The following KRTAP15-1 variants were observed in gnomAD, a reference collection of about 807,000 sequenced individuals.
The protein encoded by KRTAP15-1 is keratin-associated protein 15-1.
For synonymous variants in KRTAP15-1, 65 were observed against 59.6 expected (o/e 1.09, Z -0.42); for missense variants, 181 against 156.8 (o/e 1.15, Z -0.83).
In KRTAP15-1 at chr21:30,440,827, A is replaced by G. The variant is rs1387425579; in HGVS notation, c.*86A>G. 7.1e-6 allele frequency: 9 copies of G among 1,275,000 alleles called. No individual in the cohort carries two copies. The Admixed American group carries it at 1.5e-4, about 21-fold the overall frequency. 79.0% of individuals were successfully genotyped at this position (1,275,000 alleles called of 1,614,324 possible). On this transcript the variant is annotated 3_prime_UTR_variant, in exon 1 of 1. Coordinates refer to ENST00000334067, the MANE Select transcript of KRTAP15-1 (RefSeq NM_181623.3). ...TTATTTCTGTACTCTATGGAACTGCAACACTCAGCCTGTCCAATATCTGTG... is the reference window on the plus strand; with the variant it reads ...TTATTTCTGTACTCTATGGAACTGCGACACTCAGCCTGTCCAATATCTGTG...
exon 1 of KRTAP15-1, chr21:30,440,861 C>CCATCTACATCAGTAGGACTCAG: frequency 1.1e-6 from 1 of 947,648 alleles, no homozygotes; most frequent in Non-Finnish European, 1.6e-6. Context: ...TGATTGTTGA[C>CCATCTACATCAGTAGGACTCAG]CATCTACATC....
chr21:30,440,616 T>G lies in KRTAP15-1; in HGVS notation c.289T>G (p.Cys97Gly), dbSNP rs749220871. The G allele has an allele frequency of 6.2e-7, 1 of 1,614,210 alleles. No homozygotes were observed. Among genetic ancestry groups the G allele is most frequent in the Non-Finnish European group, 8.5e-7 (1 of 1,180,038 alleles). Residue 97 changes from cysteine (C) to glycine (G), a missense_variant, in exon 1 of 1, where the codon TGT becomes GGT. Transcript: ENST00000334067. Reference sequence around the variant, plus strand: ...GACTAACTACATAAGATCCCTTGGATGTGGAAACACTGGCCTTGGATCTCT... The same window carrying G: ...GACTAACTACATAAGATCCCTTGGAGGTGGAAACACTGGCCTTGGATCTCT... ...RQTNYIRSLG[C>G]GNTGLGSLGC...
Position 30,440,617 on chromosome 21 carries a change from G to C in KRTAP15-1, c.290G>C (p.Cys97Ser). ...ACTAACTACATAAGATCCCTTGGATGTGGAAACACTGGCCTTGGATCTCTT... is the reference window on the plus strand; with the variant it reads ...ACTAACTACATAAGATCCCTTGGATCTGGAAACACTGGCCTTGGATCTCTT... Reference protein sequence around the residue: ...RQTNYIRSLGCGNTGLGSLGC... With the variant: ...RQTNYIRSLGSGNTGLGSLGC... Residue 97 changes from cysteine to serine, a missense_variant, in exon 1 of 1, where the codon TGT becomes TCT. Physicochemically the swap from Cys to Ser is moderately radical, Grantham distance 112 (BLOSUM62 -1). Transcript: ENST00000334067. 1 of 1,614,202 alleles carries C rather than the reference G, an allele frequency of 6.2e-7. No homozygotes were observed. The highest frequency in any genetic ancestry group is 2.2e-5 in the East Asian group (1 of 44,886).
rs1055566414 is a variant in KRTAP15-1, at chr21:30,440,680, G to A, written c.353G>A (p.Gly118Glu). ...GSTGFQSLDC[G>E]SSFYHPTTFS... is the part of the protein sequence containing the mutation. ...ACTGGCTTCCAATCTCTGGACTGTG[G>A]GTCCAGCTTCTACCACCCAACTACC... The change falls in exon 1 of 1, where the codon GGG becomes GAG. Residue 118 changes from glycine (G) to glutamate (E), a missense_variant. Gly to Glu is a moderately conservative substitution (Grantham distance 98). Transcript: ENST00000334067. 3.7e-6 allele frequency: 6 copies of A among 1,613,942 alleles called. No individual in the cohort carries two copies. Among genetic ancestry groups the A allele is most frequent in the Non-Finnish European group, 4.2e-6 (5 of 1,179,930 alleles).
Position 30,440,378 on chromosome 21 carries a change from T to C in KRTAP15-1, c.51T>C (p.Ser17=). 1 of 1,613,600 alleles carries C rather than the reference T, an allele frequency of 6.2e-7. No individual in the cohort carries two copies. The highest frequency in any genetic ancestry group is 8.5e-7 in the Non-Finnish European group (1 of 1,179,734). ...ACTTCTCCTCCTGCTGTTTTGGAAG[T>C]TACCTGAGGTATCCAGTTTCCACTT... ...SGNFSSCCFG[S]YLRYPVSTYN... The change falls in exon 1 of 1, where the codon AGT becomes AGC. Residue 17 remains serine (S), a synonymous_variant. Transcript: ENST00000334067.
chr21:30,440,842 C>A lies in KRTAP15-1; in HGVS notation c.*101C>A. ...ATGGAACTGCAACACTCAGCCTGTC[C>A]AATATCTGTGATTGTTGACCATCTA... On this transcript the variant is annotated 3_prime_UTR_variant, in exon 1 of 1. Transcript: ENST00000334067. The A allele has an allele frequency of 8.8e-7, 1 of 1,137,242 alleles. No individual in the cohort carries two copies. Among genetic ancestry groups the A allele is most frequent in the Non-Finnish European group, 1.3e-6 (1 of 786,720 alleles). The allele number at this position is 1,137,242 out of a possible 1,614,324, so 70.4% of individuals were successfully genotyped here. A position where few individuals can be genotyped will look rare whatever the true frequency, so the allele number is the denominator to read the frequency against.
chr21:30,440,553 T>C lies in KRTAP15-1; in HGVS notation c.226T>C (p.Tyr76His). 1 of 1,614,226 alleles carries C rather than the reference T, an allele frequency of 6.2e-7. No individual in the cohort carries two copies. Among genetic ancestry groups the C allele is most frequent in the African/African-American group, 1.3e-5 (1 of 75,056 alleles). The change falls in exon 1 of 1, where the codon TAC (tyrosine) becomes CAC (histidine). Residue 76 changes from tyrosine to histidine, a missense_variant. By Grantham distance (83) the Tyr-to-His change is moderately conservative. Transcript: ENST00000334067. ...GGCCAGATCCTATCAGACATCCTGT[T>C]ACTGCCCAAAGAATTCCATCTTCTG... ...TLARSYQTSCYCPKNSIFCSP... is the reference protein window; with the variant it reads ...TLARSYQTSCHCPKNSIFCSP...
Position 30,440,809 on chromosome 21 carries a change from T to C in KRTAP15-1, c.*68T>C. ...TTCTCCATTCTCTCATGATTATTTC[T>C]GTACTCTATGGAACTGCAACACTCA... On this transcript the variant is annotated 3_prime_UTR_variant, in exon 1 of 1. Transcript: ENST00000334067. 6.9e-7 allele frequency: 1 copy of C among 1,439,818 alleles called. No homozygotes were observed. The highest frequency in any genetic ancestry group is 9.5e-7 in the Non-Finnish European group (1 of 1,052,040). 89.2% of individuals were successfully genotyped at this position (1,439,818 alleles called of 1,614,324 possible).
chr21:30,440,755 C>T lies in KRTAP15-1; in HGVS notation c.*14C>T, dbSNP rs553582405. The T allele has an allele frequency of 2.5e-6, 4 of 1,597,936 alleles. No individual in the cohort carries two copies. The East Asian group carries it at 6.7e-5, about 27-fold the overall frequency. ...ACTTGTTACTAACCAGCCTTTGGGT[C>T]TCGCCTTTTTGGATCATCTTACTGA... On this transcript the variant is annotated 3_prime_UTR_variant, in exon 1 of 1. Transcript: ENST00000334067.
chr21:30,440,601 A>T lies in KRTAP15-1; in HGVS notation c.274A>T (p.Ile92Leu). 6.2e-7 allele frequency: 1 copy of T among 1,614,136 alleles called. No individual in the cohort carries two copies. The change falls in exon 1 of 1, where the codon ATA becomes TTA. Residue 92 changes from isoleucine (I) to leucine (L), a missense_variant. Physicochemically the swap from Ile to Leu is conservative, Grantham distance 5. Coordinates refer to ENST00000334067, the MANE Select transcript of KRTAP15-1 (RefSeq NM_181623.3). Reference sequence around the variant, plus strand: ...CTGCAGTCCCCGCCAGACTAACTACATAAGATCCCTTGGATGTGGAAACAC... The same window carrying T: ...CTGCAGTCCCCGCCAGACTAACTACTTAAGATCCCTTGGATGTGGAAACAC... The part of the protein sequence containing the change: ...IFCSPRQTNY[I>L]RSLGCGNTGL...
In KRTAP15-1 at chr21:30,440,548, C is replaced by T; in HGVS notation, c.221C>T (p.Ser74Phe). 1 of 1,614,174 alleles carries T rather than the reference C, an allele frequency of 6.2e-7. No individual in the cohort carries two copies. Among genetic ancestry groups the T allele is most frequent in the East Asian group, 2.2e-5 (1 of 44,878 alleles). The change falls in exon 1 of 1, where the codon TCC becomes TTC. Residue 74 changes from serine (S) to phenylalanine (F), a missense_variant. Physicochemically the swap from Ser to Phe is radical, Grantham distance 155. Transcript: ENST00000334067. ...SCTLARSYQT[S>F]CYCPKNSIFC... ...ACTTTGGCCAGATCCTATCAGACAT[C>T]CTGTTACTGCCCAAAGAATTCCATC...
Position 30,440,845 on chromosome 21 carries a change from T to C in KRTAP15-1, c.*104T>C. On this transcript the variant is annotated 3_prime_UTR_variant, in exon 1 of 1. Transcript: ENST00000334067. ...GAACTGCAACACTCAGCCTGTCCAA[T>C]ATCTGTGATTGTTGACCATCTACAT... 9.0e-7 allele frequency: 1 copy of C among 1,113,260 alleles called. No homozygotes were observed. The highest frequency in any genetic ancestry group is 1.3e-6 in the Non-Finnish European group (1 of 764,976). The allele number at this position is 1,113,260 out of a possible 1,614,324, so 69.0% of individuals were successfully genotyped here.
In KRTAP15-1 at chr21:30,440,622, A is replaced by C; in HGVS notation, c.295A>C (p.Asn99His). 1.9e-6 allele frequency: 3 copies of C among 1,614,202 alleles called. No homozygotes were observed. The highest frequency in any genetic ancestry group is 2.5e-6 in the Non-Finnish European group (3 of 1,180,034). The change falls in exon 1 of 1, where the codon AAC (asparagine) becomes CAC (histidine). Residue 99 changes from asparagine to histidine, a missense_variant. By Grantham distance (68) the Asn-to-His change is moderately conservative. Transcript: ENST00000334067. ...TNYIRSLGCG[N>H]TGLGSLGCGS... Reference sequence around the variant, plus strand: ...CTACATAAGATCCCTTGGATGTGGAAACACTGGCCTTGGATCTCTTGGTTG... The same window carrying C: ...CTACATAAGATCCCTTGGATGTGGACACACTGGCCTTGGATCTCTTGGTTG...
At position 30,440,512 on chromosome 21, in the gene KRTAP15-1, A is replaced by G; in HGVS notation, c.185A>G (p.Gln62Arg). 1 of 1,614,216 alleles carries G rather than the reference A, an allele frequency of 6.2e-7. No individual in the cohort carries two copies. Among genetic ancestry groups the G allele is most frequent in the Non-Finnish European group, 8.5e-7 (1 of 1,180,028 alleles). ...ACCTACTGTGAGCCCACCAGCTGCC[A>G]GACATCCTGCACTTTGGCCAGATCC... ...QETYCEPTSC[Q>R]TSCTLARSYQ... Residue 62 changes from glutamine (Q) to arginine (R), a missense_variant, in exon 1 of 1, where the codon CAG becomes CGG. Physicochemically the swap from Gln to Arg is conservative, Grantham distance 43. Transcript: ENST00000334067.
Position 30,440,549 on chromosome 21 carries a change from C to G in KRTAP15-1, c.222C>G (p.Ser74=). 6.2e-7 allele frequency: 1 copy of G among 1,614,202 alleles called. No homozygotes were observed. The highest frequency in any genetic ancestry group is 8.5e-7 in the Non-Finnish European group (1 of 1,180,018). ...SCTLARSYQT[S]CYCPKNSIFC... is the part of the protein sequence containing the mutation. The stretch of plus-strand genomic sequence containing the variant: ...CTTTGGCCAGATCCTATCAGACATC[C>G]TGTTACTGCCCAAAGAATTCCATCT... The change falls in exon 1 of 1, where the codon TCC becomes TCG. Residue 74 remains serine, a synonymous_variant. Transcript: ENST00000334067.
Position 30,440,339 on chromosome 21 carries a change from C to G in KRTAP15-1, c.12C>G (p.Asn4Lys). ...GAACTCCTGTTAACATGTCTTACAA[C>G]TGCAGCTCTGGAAACTTCTCCTCCT... MSY[N>K]CSSGNFSSCC... The change falls in exon 1 of 1, where the codon AAC becomes AAG. Residue 4 changes from asparagine to lysine, a missense_variant. By Grantham distance (94) the Asn-to-Lys change is moderately conservative. Coordinates refer to ENST00000334067, the MANE Select transcript of KRTAP15-1 (RefSeq NM_181623.3). The G allele has an allele frequency of 6.2e-7, 1 of 1,603,940 alleles. No individual in the cohort carries two copies. Among genetic ancestry groups the G allele is most frequent in the Non-Finnish European group, 8.5e-7 (1 of 1,175,086 alleles).
chr21:30,440,434 A>G lies in KRTAP15-1; in HGVS notation c.107A>G (p.Tyr36Cys), dbSNP rs543623097. ...YNLFYPSNAI[Y>C]SPNTCQLGSS... ...TTGTTCTACCCCAGCAATGCCATCT[A>G]TTCTCCAAATACCTGCCAACTGGGC... The change falls in exon 1 of 1, where the codon TAT (tyrosine) becomes TGT (cysteine). Residue 36 changes from tyrosine to cysteine, a missense_variant. By Grantham distance (194) the Tyr-to-Cys change is radical (BLOSUM62 -2). Transcript: ENST00000334067. 27 of 1,614,124 alleles carry G rather than the reference A, an allele frequency of 1.7e-5. No homozygotes were observed. The highest frequency in any genetic ancestry group is 1.2e-4 in the South Asian group (11 of 91,086).
rs1265135492 is a variant in KRTAP15-1 at position 30,440,394 on chromosome 21, G to C, written c.67G>C (p.Val23Leu). ...TTTTGGAAGTTACCTGAGGTATCCA[G>C]TTTCCACTTATAATTTGTTCTACCC... ...CCFGSYLRYP[V>L]STYNLFYPSN... is the part of the protein sequence containing the mutation. The change falls in exon 1 of 1, where the codon GTT becomes CTT. Residue 23 changes from valine (V) to leucine (L), a missense_variant. Coordinates refer to ENST00000334067, the MANE Select transcript of KRTAP15-1 (RefSeq NM_181623.3). The C allele has an allele frequency of 6.2e-7, 1 of 1,613,930 alleles. No homozygotes were observed. The highest frequency in any genetic ancestry group is 8.5e-7 in the Non-Finnish European group (1 of 1,179,958).
chr21:30,440,613 G>C lies in KRTAP15-1; in HGVS notation c.286G>C (p.Gly96Arg). ...CCAGACTAACTACATAAGATCCCTT[G>C]GATGTGGAAACACTGGCCTTGGATC... ...PRQTNYIRSL[G>R]CGNTGLGSLG... The change falls in exon 1 of 1, where the codon GGA (glycine) becomes CGA (arginine). Residue 96 changes from glycine to arginine, a missense_variant. Physicochemically the swap from Gly to Arg is moderately radical, Grantham distance 125 (BLOSUM62 -2). Coordinates refer to ENST00000334067, the MANE Select transcript of KRTAP15-1 (RefSeq NM_181623.3). 1 of 1,614,174 alleles carries C rather than the reference G, an allele frequency of 6.2e-7. No individual in the cohort carries two copies. Among genetic ancestry groups the C allele is most frequent in the Non-Finnish European group, 8.5e-7 (1 of 1,180,040 alleles).
Sources: gnomAD v4.1 joint callset for allele counts on GRCh38, gnomAD v4.1.1 for gene constraint, MANE v1.5 for transcripts, NCBI Gene and HGNC (gene_info 2026-07-23, HGNC 2026-07-21) for gene names.